Variants in EPHA3 observed in about 807,000 individuals in gnomAD.
The protein encoded by EPHA3 is EPH receptor A3, also known as ephrin type-A receptor 3.
In EPHA3, 42 loss-of-function variants were observed where a neutral mutation model predicts 107.1. The ratio of observed to expected loss-of-function variants is 0.39; its 90% CI spans 0.31 to 0.51. The LOEUF (loss-of-function observed/expected upper bound fraction) is 0.51. Ranked by LOEUF, EPHA3 falls within the 20% of genes least tolerant of loss-of-function variation. The pLI, the probability that EPHA3 is intolerant of heterozygous loss-of-function variation, is 0.78. For synonymous variants in EPHA3, 461 were observed against 424.8 expected (o/e 1.09, Z -1.05); for missense variants, 1,183 against 1,211.2 (o/e 0.98, Z 0.35).
chr3:89,408,373 CA>C (rs1201227577), intron 9 of EPHA3, among the ~76,000 whole-genome samples: 2 of 152,106 alleles, frequency 1.3e-5, no homozygotes, highest in African/African-American at 4.8e-5. Context: ...GGTTTACATT[CA>C]AATAACGCAC....
At chr3:89,287,432 A>G (rs1436127710) in intron 3 of EPHA3, among the ~76,000 whole-genome samples, 3 of 152,158 alleles carry the variant, frequency 2.0e-5, no homozygotes, top group Non-Finnish European at 4.4e-5. Flanking sequence ...ATGAAAAGAA[A>G]TGATAATGAT....
chr3:89,422,834 T>TAAGCTTTTAAATACA (rs1709378116), intron 11 of EPHA3, among the ~76,000 whole-genome samples: 1 of 151,508 alleles, frequency 6.6e-6, no homozygotes, highest in Non-Finnish European at 1.5e-5. Context: ...TAAAGCTTTT[T>TAAGCTTTTAAATACA]ATTCAGTCAT....
intron 3 of EPHA3, among the ~76,000 whole-genome samples, chr3:89,271,692 G>A (rs1705673130): frequency 6.6e-6 from 1 of 151,910 alleles, no homozygotes; most frequent in Non-Finnish European, 1.5e-5. Flanking sequence ...ACAGAAAAAG[G>A]AGGAGGATGA....
chr3:89,264,599 T>C (rs763553563), intron 3 of EPHA3, among the ~76,000 whole-genome samples: 2 of 152,176 alleles, frequency 1.3e-5, no homozygotes, highest in Non-Finnish European at 2.9e-5. Context: ...CTAGAAATTA[T>C]AAAGTTGAGT....
intron 5 of EPHA3, among the ~76,000 whole-genome samples, chr3:89,391,447 G>A (rs2107498957): frequency 8.4e-6 from 1 of 119,536 alleles, no homozygotes; most frequent in Non-Finnish European, 1.6e-5. Context: ...TTGAGATGGA[G>A]TCTCGCTCTG....
At chr3:89,316,308 C>T (rs1406979663) in intron 3 of EPHA3, among the ~76,000 whole-genome samples, 1 of 151,262 alleles carries the variant, frequency 6.6e-6, no homozygotes, top group Admixed American at 6.6e-5. Context: ...ATGAAAGATG[C>T]TTTGATCCTC....
chr3:89,348,855 G>T (rs1164416685), intron 5 of EPHA3, among the ~76,000 whole-genome samples: 3 of 139,040 alleles, frequency 2.2e-5, no homozygotes, highest in Admixed American at 7.1e-5. Flanking sequence ...CTTTATTTCT[G>T]CCTTCATTTC....
intron 2 of EPHA3, among the ~76,000 whole-genome samples, chr3:89,165,177 T>A (rs1173826520): frequency 6.6e-6 from 1 of 152,076 alleles, no homozygotes; most frequent in Non-Finnish European, 1.5e-5. Flanking sequence ...CATGGGAAAA[T>A]TCAACCTCAT....
At chr3:89,419,182 G>A in intron 10 of EPHA3, 23 bp from the exon 11 acceptor site, 5 of 1,545,360 alleles carry the variant, frequency 3.2e-6, no homozygotes, top group Non-Finnish European at 3.5e-6. Context: ...CTTACATTTT[G>A]TTGCTGTTCT....
intron 11 of EPHA3, among the ~76,000 whole-genome samples, chr3:89,423,236 A>C (rs1239238220): frequency 6.6e-6 from 1 of 151,454 alleles, no homozygotes; most frequent in African/African-American, 2.4e-5. Context: ...GAGGAATGTC[A>C]TGGGCAGAAC....
rs537003303 is a variant in EPHA3 at position 89,392,418 on chromosome 3, A to G, written c.1307-3419A>G. On this transcript the variant is annotated intron_variant, in intron 5 of 16. Transcript: ENST00000336596. Reference sequence around the variant, plus strand: ...GCACCACTGCACTCCAGCCTGGACAACAAGAGTGAAACTCCATCGAAAAAA... The same window carrying G: ...GCACCACTGCACTCCAGCCTGGACAGCAAGAGTGAAACTCCATCGAAAAAA... 2.4e-4 allele frequency among the ~76,000 whole-genome samples: 37 copies of G among 151,832 alleles called. No individual in the cohort carries two copies. The South Asian group carries it at 7.1e-3, about 29-fold the overall frequency.
intron 3 of EPHA3, among the ~76,000 whole-genome samples, chr3:89,300,778 CT>C (rs1203742246): frequency 6.6e-6 from 1 of 151,962 alleles, no homozygotes; most frequent in Non-Finnish European, 1.5e-5. Context: ...AAAGGATATC[CT>C]GTGTGGTGAG....
intron 2 of EPHA3, among the ~76,000 whole-genome samples, chr3:89,189,717 T>C (rs1023555472): frequency 6.6e-6 from 1 of 152,218 alleles, no homozygotes; most frequent in African/African-American, 2.4e-5. Flanking sequence ...GACAAATTCT[T>C]TTTATTCCAA....
intron 3 of EPHA3, among the ~76,000 whole-genome samples, chr3:89,242,723 C>T (rs562777544): frequency 6.6e-6 from 1 of 152,166 alleles, no homozygotes; most frequent in East Asian, 1.9e-4. Flanking sequence ...AGGCTTGAGC[C>T]ACTGTGCCTG....
chr3:89,113,277 AG>A (rs1426600666), intron 1 of EPHA3, among the ~76,000 whole-genome samples: 1 of 151,982 alleles, frequency 6.6e-6, no homozygotes, highest in Non-Finnish European at 1.5e-5. Flanking sequence ...TAAAATGCAA[AG>A]TCTTCCAAGT....
At chr3:89,226,307 A>G (rs1704502547) in intron 3 of EPHA3, among the ~76,000 whole-genome samples, 1 of 152,092 alleles carries the variant, frequency 6.6e-6, no homozygotes, top group African/African-American at 2.4e-5. Context: ...GGATAAAGTG[A>G]CATCATGTTT....
At chr3:89,369,768 G>C (rs1226989264) in intron 5 of EPHA3, among the ~76,000 whole-genome samples, 1 of 148,376 alleles carries the variant, frequency 6.7e-6, no homozygotes, top group Admixed American at 6.7e-5. Context: ...CTGACAAAGG[G>C]CTAATATCCA....
chr3:89,304,319 T>C (rs2107350180), intron 3 of EPHA3, among the ~76,000 whole-genome samples: 1 of 152,198 alleles, frequency 6.6e-6, no homozygotes, highest in Admixed American at 6.6e-5. Flanking sequence ...TGATATTATT[T>C]GTTAAAATTA....
At chr3:89,431,442 C>T (rs563235463) in intron 13 of EPHA3, 83 bp downstream of exon 13, 10 of 1,163,514 alleles carry the variant, frequency 8.6e-6, no homozygotes, top group Middle Eastern at 2.9e-4. Flanking sequence ...GAAATCATGA[C>T]CCAAAACGTG....
Sources: gnomAD v4.1 joint callset for allele counts (sites outside exome capture counted in the v4.1 genomes callset) on GRCh38, gnomAD v4.1.1 for gene constraint, MANE v1.5 for transcripts, NCBI Gene and HGNC (gene_info 2026-07-23, HGNC 2026-07-21) for gene names.